CPED1: variants seen among roughly 807,000 people sequenced by gnomAD.
CPED1 encodes the protein cadherin like and PC-esterase domain containing 1, also known as cadherin-like and PC-esterase domain-containing protein 1.
In CPED1, 114 loss-of-function variants were observed where a neutral mutation model predicts 128.2. That is an observed-to-expected ratio of 0.89 (90% CI 0.76 to 1.04). The LOEUF is 1.04. Ranked by LOEUF, CPED1 falls within the 50% of genes least tolerant of loss-of-function variation. The pLI is 0.00. For synonymous variants in CPED1, 462 were observed against 426.7 expected, an observed-to-expected ratio of 1.08 and a Z score of -1.02; for missense variants, 1,211 against 1,207.1, an observed-to-expected ratio of 1.00 and a Z score of -0.05.
chr7:121,023,870 G>A (rs763741434), intron 3 of CPED1, among the ~76,000 whole-genome samples: 1 of 152,116 alleles, frequency 6.6e-6, no homozygotes, highest in Non-Finnish European at 1.5e-5. Flanking sequence ...AAGAGTAAAG[G>A]TCACATTTAA....
At chr7:121,228,933 C>G (rs1301122441) in intron 16 of CPED1, among the ~76,000 whole-genome samples, 1 of 151,922 alleles carries the variant, frequency 6.6e-6, no homozygotes, top group Non-Finnish European at 1.5e-5. Flanking sequence ...AAACATTGAT[C>G]ACATGGTGGT....
intron 5 of CPED1, among the ~76,000 whole-genome samples, chr7:121,093,397 T>TACAGACACAC (rs1554433496): frequency 6.9e-6 from 1 of 145,470 alleles, no homozygotes; most frequent in East Asian, 2.1e-4. Flanking sequence ...CCTTTTTCTG[T>TACAGACACAC]ACACACACAC....
chr7:121,133,192 T>C (rs765623003), intron 12 of CPED1, among the ~76,000 whole-genome samples: 63 of 152,218 alleles, frequency 4.1e-4, no homozygotes, highest in Non-Finnish European at 7.1e-4. Flanking sequence ...CTGCTGTTCT[T>C]TATCATCAGG....
intron 2 of CPED1, among the ~76,000 whole-genome samples, chr7:120,996,545 A>G (rs971718380): frequency 1.3e-5 from 2 of 152,082 alleles, no homozygotes; most frequent in African/African-American, 2.4e-5. Flanking sequence ...CTTGTGGTTT[A>G]TATATTGCCT....
At chr7:121,026,526 T>TA (rs1792586494) in intron 3 of CPED1, among the ~76,000 whole-genome samples, 1 of 152,174 alleles carries the variant, frequency 6.6e-6, no homozygotes, top group South Asian at 2.1e-4. Context: ...ACATCCCTGC[T>TA]ATAGCCATGG....
intron 16 of CPED1, among the ~76,000 whole-genome samples, chr7:121,157,068 T>C (rs1796302015): frequency 6.6e-6 from 1 of 152,216 alleles, no homozygotes; most frequent in Non-Finnish European, 1.5e-5. Flanking sequence ...ATTATGTTTC[T>C]GGAGATTCAA....
At chr7:121,115,841 A>G (rs935740155) in intron 7 of CPED1, among the ~76,000 whole-genome samples, 1 of 152,222 alleles carries the variant, frequency 6.6e-6, no homozygotes, top group African/African-American at 2.4e-5. Context: ...TGGCATTCAT[A>G]TAAAGAAAAT....
At chr7:121,092,418 T>C (rs1434014855) in intron 5 of CPED1, among the ~76,000 whole-genome samples, 1 of 152,188 alleles carries the variant, frequency 6.6e-6, no homozygotes, top group East Asian at 1.9e-4. Flanking sequence ...AGTATAGATT[T>C]ATCTGAGATC....
chr7:121,152,406 G>A (rs1796180026), intron 16 of CPED1, among the ~76,000 whole-genome samples: 2 of 152,172 alleles, frequency 1.3e-5, no homozygotes, highest in Admixed American at 1.3e-4. Flanking sequence ...ATAACAGGGA[G>A]GGAGAAATTT....
At chr7:121,186,514 T>G (rs1797007294) in intron 16 of CPED1, among the ~76,000 whole-genome samples, 1 of 152,094 alleles carries the variant, frequency 6.6e-6, no homozygotes, top group Admixed American at 6.6e-5. Flanking sequence ...AACACCAGCA[T>G]AATACATATT....
chr7:121,269,237 T>G (rs1482742806), intron 21 of CPED1, among the ~76,000 whole-genome samples: 1 of 152,054 alleles, frequency 6.6e-6, no homozygotes, highest in Non-Finnish European at 1.5e-5. Flanking sequence ...CTCCCACTCA[T>G]AAGTGAGGAG....
intron 9 of CPED1, 71 bp from the exon 10 acceptor site, chr7:121,127,019 C>A: frequency 8.6e-7 from 1 of 1,158,284 alleles, no homozygotes; most frequent in Non-Finnish European, 1.2e-6. Flanking sequence ...TAAATCATGT[C>A]TTAGAAGTAA....
chr7:121,181,148 C>G (rs1364290392), intron 16 of CPED1, among the ~76,000 whole-genome samples: 2 of 152,026 alleles, frequency 1.3e-5, no homozygotes, highest in African/African-American at 4.8e-5. Flanking sequence ...GAGAGATGAT[C>G]ATACTGCAGG....
At chr7:121,139,568 A>G (rs1795856283) in intron 14 of CPED1, among the ~76,000 whole-genome samples, 1 of 152,012 alleles carries the variant, frequency 6.6e-6, no homozygotes, top group African/African-American at 2.4e-5. Flanking sequence ...TTGAAGCACA[A>G]AGACTGGGCA....
Position 121,267,392 on chromosome 7 carries a change from G to A in CPED1, c.2721+90G>A, listed in dbSNP as rs1792148600. Reference sequence around the variant, plus strand: ...GACCCGTAAGGCACTATATAATATTGAGCAACCTTCATGAAAGTAAAAAAA... The same window carrying A: ...GACCCGTAAGGCACTATATAATATTAAGCAACCTTCATGAAAGTAAAAAAA... On this transcript the variant is annotated intron_variant, in intron 21 of 22. Coordinates refer to ENST00000310396, the MANE Select transcript of CPED1 (RefSeq NM_024913.5). 20 of 595,636 alleles carry A rather than the reference G, an allele frequency of 3.4e-5. 2 individuals are homozygous for A. The South Asian group carries it at 8.0e-4, about 24-fold the overall frequency. The allele number at this position is 595,636 out of a possible 1,614,324, so 36.9% of individuals were successfully genotyped here.
chr7:121,117,009 C>CAT (rs146753540), intron 7 of CPED1, among the ~76,000 whole-genome samples: 2 of 146,458 alleles, frequency 1.4e-5, no homozygotes, highest in Non-Finnish European at 3.0e-5. Flanking sequence ...TACACACACA[C>CAT]ATATATATAC....
At chr7:121,205,759 T>C (rs540193119) in intron 16 of CPED1, among the ~76,000 whole-genome samples, 1 of 152,190 alleles carries the variant, frequency 6.6e-6, no homozygotes, top group South Asian at 2.1e-4. Context: ...CACAAGACAC[T>C]GTAAGAACCT....
chr7:120,989,763 G>A lies in CPED1; in HGVS notation c.142G>A (p.Ala48Thr), dbSNP rs376695432. Residue 48 changes from alanine to threonine, a missense_variant, in exon 2 of 23, where the codon GCT becomes ACT. Transcript: ENST00000310396. Reference sequence around the variant, plus strand: ...GAAGCTCACAGCCGCTGCCCCTGGGGCTGTCCCACACACATCCACTGAAAC... The same window carrying A: ...GAAGCTCACAGCCGCTGCCCCTGGGACTGTCCCACACACATCCACTGAAAC... ...SRKLTAAAPG[A>T]VPHTSTETQA... The A allele has an allele frequency of 1.2e-6, 2 of 1,613,768 alleles. No individual in the cohort carries two copies. The highest frequency in any genetic ancestry group is 2.7e-5 in the African/African-American group (2 of 74,806).
chr7:121,150,752 C>CATT (rs10617585), intron 16 of CPED1, among the ~76,000 whole-genome samples: 107 of 116,436 alleles, frequency 9.2e-4, no homozygotes, highest in Admixed American at 2.6e-3. Context: ...GAGTCTAAAA[C>CATT]ATTATTATTA....
Sources: gnomAD v4.1 joint callset for allele counts (sites outside exome capture counted in the v4.1 genomes callset) on GRCh38, gnomAD v4.1.1 for gene constraint, MANE v1.5 for transcripts, NCBI Gene and HGNC (gene_info 2026-07-23, HGNC 2026-07-21) for gene names.